The following RAB11FIP4 variants were observed in gnomAD, a reference collection of about 807,000 sequenced individuals.
The protein encoded by RAB11FIP4 is RAB11 family interacting protein 4.
Under a neutral mutation model 74.3 loss-of-function variants are expected in RAB11FIP4, and 23 were observed. The ratio of observed to expected loss-of-function variants is 0.31; its 90% CI spans 0.22 to 0.44. The LOEUF (loss-of-function observed/expected upper bound fraction) is 0.44, where lower values mean the gene tolerates loss of function less well. Among genes scored for constraint, RAB11FIP4 ranks in the 20% least tolerant of loss-of-function variants. The pLI is 1.00. For missense variants in RAB11FIP4, 630 were observed against 863.9 expected (o/e 0.73, Z 3.39); for synonymous variants, 360 against 359.9 (o/e 1.00, Z 0.00).
At position 31,402,189 on chromosome 17, in the gene RAB11FIP4, G is replaced by GCATGCATC. The variant is rs1315494881; in HGVS notation, c.159+10181_159+10182insGCATCCAT. On this transcript the variant is annotated intron_variant, in intron 1 of 14. Coordinates refer to ENST00000621161, the MANE Select transcript of RAB11FIP4 (RefSeq NM_032932.6). ...TTCCGTAGCCTCCCCATCTGTCCAT[G>GCATGCATC]CATCCATCCATCCATCCATCCATCC... is the stretch of plus-strand genomic sequence containing the variant. 4.8e-5 allele frequency among the ~76,000 whole-genome samples: 5 copies of GCATGCATC among 103,286 alleles called. No homozygotes were observed. The South Asian group carries it at 1.3e-3, about 26-fold the overall frequency. The allele number at this position is 103,286 out of a possible 152,430, so 67.8% of individuals were successfully genotyped here. A position where few individuals can be genotyped will look rare whatever the true frequency, so the allele number is the denominator to read the frequency against.
At chr17:31,444,647 C>T (rs1429202035) in intron 3 of RAB11FIP4, among the ~76,000 whole-genome samples, 1 of 152,140 alleles carries the variant, frequency 6.6e-6, no homozygotes, top group African/African-American at 2.4e-5. Flanking sequence ...CCAACCCTGA[C>T]GCCCAAGTCC....
At chr17:31,500,948 G>A (rs1291086862) in intron 3 of RAB11FIP4, among the ~76,000 whole-genome samples, 2 of 151,954 alleles carry the variant, frequency 1.3e-5, no homozygotes, top group Non-Finnish European at 1.5e-5. Context: ...GCTTGAACTC[G>A]GGAGGCAGAG....
At chr17:31,449,018 A>G (rs1159234337) in intron 3 of RAB11FIP4, among the ~76,000 whole-genome samples, 2 of 152,184 alleles carry the variant, frequency 1.3e-5, no homozygotes, top group South Asian at 2.1e-4. Flanking sequence ...CAGGTCCCCC[A>G]GTCAGTAGTA....
intron 3 of RAB11FIP4, among the ~76,000 whole-genome samples, chr17:31,472,562 C>A (rs867492911): frequency 6.6e-6 from 1 of 152,212 alleles, no homozygotes; most frequent in Admixed American, 6.5e-5. Context: ...CAAAGAATTG[C>A]GGTCTGAGGG....
rs2072929289 is a variant in RAB11FIP4 at position 31,534,715 on chromosome 17, GTTTT to G, written c.*2986_*2989del. 6.6e-6 allele frequency: 1 copy of G among 152,384 alleles called. No homozygotes were observed. Among genetic ancestry groups the G allele is most frequent in the Admixed American group, 6.6e-5 (1 of 15,258 alleles). 9.4% of individuals were successfully genotyped at this position (152,384 alleles called of 1,614,324 possible). A position where few individuals can be genotyped will look rare whatever the true frequency, so the allele number is the denominator to read the frequency against. ...CAATTTAATTGCGTGTCCTACTTGG[GTTTT>G]TTGTTTGTTTTTATTGTTTTTGCTA... On this transcript the variant is annotated 3_prime_UTR_variant, in exon 15 of 15. Coordinates refer to ENST00000621161, the MANE Select transcript of RAB11FIP4 (RefSeq NM_032932.6).
At chr17:31,478,488 G>A (rs1475482543) in intron 3 of RAB11FIP4, among the ~76,000 whole-genome samples, 7 of 152,186 alleles carry the variant, frequency 4.6e-5, no homozygotes, top group Non-Finnish European at 4.4e-5. Flanking sequence ...CTTCTCTCCT[G>A]CAGAGGTGCC....
At chr17:31,485,423 C>A (rs994886688) in intron 3 of RAB11FIP4, among the ~76,000 whole-genome samples, 1 of 152,172 alleles carries the variant, frequency 6.6e-6, no homozygotes, top group African/African-American at 2.4e-5. Context: ...ACAGGCCTGA[C>A]TTTCTCCATT....
chr17:31,497,159 T>C (rs1567677031), intron 3 of RAB11FIP4, among the ~76,000 whole-genome samples: 2 of 151,908 alleles, frequency 1.3e-5, no homozygotes, highest in Admixed American at 6.5e-5. Context: ...AGGTCAAGAG[T>C]TCGAGACCAG....
chr17:31,393,593 A>G (rs1204411158), intron 1 of RAB11FIP4, among the ~76,000 whole-genome samples: 1 of 152,148 alleles, frequency 6.6e-6, no homozygotes, highest in Non-Finnish European at 1.5e-5. Context: ...CATACACTCT[A>G]GAGACAGACC....
chr17:31,499,590 C>T (rs1365757214), intron 3 of RAB11FIP4, among the ~76,000 whole-genome samples: 4 of 152,064 alleles, frequency 2.6e-5, no homozygotes, highest in African/African-American at 4.8e-5. Context: ...CTCCTGACCT[C>T]GTGATCCGCC....
chr17:31,480,240 GC>G (rs1386289257), intron 3 of RAB11FIP4, among the ~76,000 whole-genome samples: 2 of 152,116 alleles, frequency 1.3e-5, no homozygotes, highest in African/African-American at 2.4e-5. Flanking sequence ...CCTCACTCAG[GC>G]CCCTGTCAGA....
intron 1 of RAB11FIP4, among the ~76,000 whole-genome samples, chr17:31,410,391 T>C (rs1051158235): frequency 3.9e-5 from 6 of 151,912 alleles, no homozygotes; most frequent in Non-Finnish European, 8.8e-5. Flanking sequence ...CAGGGGTAAA[T>C]TGAAAAGGTG....
At chr17:31,419,779 T>C (rs1354247628) in intron 1 of RAB11FIP4, among the ~76,000 whole-genome samples, 1 of 152,126 alleles carries the variant, frequency 6.6e-6, no homozygotes, top group Non-Finnish European at 1.5e-5. Context: ...CTCGATCTCC[T>C]GATCTCATGA....
chr17:31,501,981 A>C (rs1381590641), intron 3 of RAB11FIP4, among the ~76,000 whole-genome samples: 3 of 152,160 alleles, frequency 2.0e-5, no homozygotes, highest in Admixed American at 2.0e-4. Flanking sequence ...GCACGTTGGG[A>C]GGCCAAGGTG....
At chr17:31,474,534 G>T (rs1657400570) in intron 3 of RAB11FIP4, among the ~76,000 whole-genome samples, 1 of 152,024 alleles carries the variant, frequency 6.6e-6, no homozygotes, top group South Asian at 2.1e-4. Context: ...AGCCAGGTGT[G>T]GTGGTGCATG....
chr17:31,517,619 CACTT>C, intron 3 of RAB11FIP4, 28 bp from the exon 4 acceptor site: 1 of 1,564,454 alleles, frequency 6.4e-7, no homozygotes, highest in South Asian at 1.2e-5. Context: ...AAGCTGGCCT[CACTT>C]ATCTTGTCTC....
At chr17:31,457,844 CCT>C (rs2071593762) in intron 3 of RAB11FIP4, among the ~76,000 whole-genome samples, 1 of 152,098 alleles carries the variant, frequency 6.6e-6, no homozygotes, top group African/African-American at 2.4e-5. Flanking sequence ...ATCCTCCCTT[CCT>C]CTCTCTCCTT....
intron 3 of RAB11FIP4, among the ~76,000 whole-genome samples, chr17:31,483,357 C>T (rs975082765): frequency 2.0e-5 from 3 of 152,106 alleles, no homozygotes; most frequent in Non-Finnish European, 2.9e-5. Context: ...AGTAATGCAA[C>T]CTGGCTCTAC....
At chr17:31,438,483 G>C (rs2071380383) in intron 3 of RAB11FIP4, among the ~76,000 whole-genome samples, 1 of 151,940 alleles carries the variant, frequency 6.6e-6, no homozygotes, top group African/African-American at 2.4e-5. Flanking sequence ...GCTGCCTTGA[G>C]TCCTCTGTTC....
Sources: gnomAD v4.1 joint callset for allele counts (sites outside exome capture counted in the v4.1 genomes callset) on GRCh38, gnomAD v4.1.1 for gene constraint, MANE v1.5 for transcripts, NCBI Gene and HGNC (gene_info 2026-07-23, HGNC 2026-07-21) for gene names.